RAD51B: variants seen among roughly 807,000 people sequenced by gnomAD.
RAD51B encodes the protein RAD51 paralog B.
RAD51B carries 38 observed loss-of-function variants against 42.2 expected under a neutral mutation model. The observed-to-expected ratio is 0.90, with a 90% CI of 0.70 to 1.18. The LOEUF is 1.18. Among genes scored for constraint, RAD51B ranks in the 50% most tolerant of loss-of-function variants. The pLI, the probability that RAD51B is intolerant of heterozygous loss-of-function variation, is 0.00. For synonymous variants in RAD51B, 154 were observed against 145.2 expected (o/e 1.06, Z -0.43); for missense variants, 373 against 400.7 (o/e 0.93, Z 0.59).
chr14:68,395,577 G>A (rs989152546), intron 8 of RAD51B, among the ~76,000 whole-genome samples: 1 of 152,046 alleles, frequency 6.6e-6, no homozygotes, highest in East Asian at 1.9e-4. Context: ...ACCTTTTATT[G>A]TATTACTATT....
intron 9 of RAD51B, among the ~76,000 whole-genome samples, chr14:68,443,918 C>T (rs753279657): frequency 7.9e-5 from 12 of 151,904 alleles, no homozygotes; most frequent in Non-Finnish European, 8.8e-5. Flanking sequence ...ATATTCAAAC[C>T]GAATTCATGG....
At chr14:68,391,655 T>G (rs1594770246) in intron 8 of RAD51B, among the ~76,000 whole-genome samples, 1 of 151,906 alleles carries the variant, frequency 6.6e-6, no homozygotes, top group Non-Finnish European at 1.5e-5. Context: ...TTTTTTATCA[T>G]GAAGCCTTTG....
chr14:68,491,834 C>T (rs1264300993), intron 10 of RAD51B, among the ~76,000 whole-genome samples: 1 of 152,234 alleles, frequency 6.6e-6, no homozygotes, highest in Non-Finnish European at 1.5e-5. Flanking sequence ...GAGTCTATGA[C>T]CTCCTCTCCA....
At chr14:67,923,282 C>CTT (rs1566960176) in intron 7 of RAD51B, among the ~76,000 whole-genome samples, 2 of 139,700 alleles carry the variant, frequency 1.4e-5, no homozygotes, top group African/African-American at 5.6e-5. Flanking sequence ...CAATTTCTTT[C>CTT]TTTCTTTTTC....
chr14:68,376,103 G>A (rs879884442), intron 8 of RAD51B, among the ~76,000 whole-genome samples: 5 of 152,260 alleles, frequency 3.3e-5, no homozygotes, highest in Non-Finnish European at 7.3e-5. Flanking sequence ...TGTAAAATGT[G>A]AGGGTGTTAT....
chr14:68,130,884 G>C (rs559485094), intron 7 of RAD51B, among the ~76,000 whole-genome samples: 6 of 151,950 alleles, frequency 3.9e-5, no homozygotes, highest in African/African-American at 1.4e-4. Context: ...GTGTGTGTGG[G>C]TGTGTGTTTG....
At chr14:67,879,044 G>A (rs945997741) in intron 5 of RAD51B, among the ~76,000 whole-genome samples, 5 of 152,150 alleles carry the variant, frequency 3.3e-5, no homozygotes, top group African/African-American at 1.2e-4. Flanking sequence ...ACCAAACAGG[G>A]CTCCATTAGG....
At chr14:68,398,429 C>A (rs2083989560) in intron 8 of RAD51B, among the ~76,000 whole-genome samples, 1 of 152,152 alleles carries the variant, frequency 6.6e-6, no homozygotes, top group African/African-American at 2.4e-5. Flanking sequence ...ACTCTGAAAG[C>A]TGACCCTTGT....
At chr14:68,574,116 T>C (rs902245927) in intron 10 of RAD51B, among the ~76,000 whole-genome samples, 1 of 145,550 alleles carries the variant, frequency 6.9e-6, no homozygotes, top group African/African-American at 2.5e-5. Flanking sequence ...TTGTTTGTTT[T>C]TGTTTTGTTT....
chr14:68,008,821 C>T (rs2075635064), intron 7 of RAD51B, among the ~76,000 whole-genome samples: 1 of 151,928 alleles, frequency 6.6e-6, no homozygotes, highest in Non-Finnish European at 1.5e-5. Flanking sequence ...GTATTGCTAA[C>T]TTGTCACTAG....
chr14:68,540,955 C>A (rs937618327), intron 10 of RAD51B: 81 of 985,338 alleles, frequency 8.2e-5, no homozygotes, highest in Non-Finnish European at 9.3e-5. Context: ...TCACCCACAA[C>A]TATAATACAT....
At chr14:68,221,505 T>C (rs2079926567) in intron 7 of RAD51B, among the ~76,000 whole-genome samples, 2 of 152,234 alleles carry the variant, frequency 1.3e-5, no homozygotes, top group African/African-American at 2.4e-5. Flanking sequence ...AGAATGAAAC[T>C]GGATCCTCAT....
intron 10 of RAD51B, among the ~76,000 whole-genome samples, chr14:68,587,870 T>G (rs946386573): frequency 3.3e-5 from 5 of 152,220 alleles, no homozygotes; most frequent in Non-Finnish European, 5.9e-5. Flanking sequence ...AAAGCTGCAC[T>G]GAAGAGGCAG....
chr14:68,161,915 A>AT (rs538967250), intron 7 of RAD51B, among the ~76,000 whole-genome samples: 108 of 152,288 alleles, frequency 7.1e-4, no homozygotes, highest in Non-Finnish European at 1.0e-3. Flanking sequence ...TTCTGGAGAC[A>AT]TTTTTTTATT....
chr14:68,275,399 T>G (rs562799743), intron 7 of RAD51B, among the ~76,000 whole-genome samples: 51 of 152,286 alleles, frequency 3.3e-4, no homozygotes, highest in Middle Eastern at 3.4e-3. Context: ...GAAAGCATTC[T>G]TGTCAGTCAT....
At chr14:68,008,434 A>T (rs1051501413) in intron 7 of RAD51B, among the ~76,000 whole-genome samples, 20 of 152,120 alleles carry the variant, frequency 1.3e-4, no homozygotes, top group Admixed American at 1.1e-3. Context: ...ACACACAGAA[A>T]TAAGAGTGAA....
intron 8 of RAD51B, among the ~76,000 whole-genome samples, chr14:68,344,370 G>A (rs991406631): frequency 4.6e-5 from 7 of 152,264 alleles, no homozygotes; most frequent in African/African-American, 9.6e-5. Context: ...GACTGCCGCC[G>A]AGCGTAGTGG....
intron 7 of RAD51B, among the ~76,000 whole-genome samples, chr14:68,101,747 G>A (rs2077293780): frequency 6.6e-6 from 1 of 152,042 alleles, no homozygotes; most frequent in Non-Finnish European, 1.5e-5. Context: ...AGCTGTCAGT[G>A]GATCTGCCTT....
At position 68,188,981 on chromosome 14, in the gene RAD51B, C is replaced by A. The variant is rs913633753; in HGVS notation, c.757-102903C>A. On this transcript the variant is annotated intron_variant, in intron 7 of 10. Coordinates refer to ENST00000471583, the MANE Select transcript of RAD51B (RefSeq NM_133510.4). ...TCTTTGATAAGGCTTTGCTCCTCCC[C>A]CTAGGCACAACTCCTCCTCCTTGTT... Among the ~76,000 whole-genome samples the A allele has an allele frequency of 5.3e-5, 8 of 152,124 alleles. No homozygotes were observed. In the East Asian group the frequency reaches 1.4e-3, roughly 26 times the overall value.
Sources: allele counts gnomAD v4.1 joint callset (sites outside exome capture counted in the v4.1 genomes callset), GRCh38; gene constraint gnomAD v4.1.1; transcripts MANE v1.5; gene names NCBI Gene and HGNC (gene_info 2026-07-23, HGNC 2026-07-21).